Variants in SH3GL2 observed in about 807,000 individuals in gnomAD.
SH3GL2 encodes endophilin-A1.
A neutral mutation model predicts 46.0 loss-of-function variants in SH3GL2; 24 were observed. The ratio of observed to expected loss-of-function variants is 0.52; its 90% CI spans 0.38 to 0.73. The LOEUF (loss-of-function observed/expected upper bound fraction) is 0.73. Ranked by LOEUF, SH3GL2 falls within the 30% of genes least tolerant of loss-of-function variation. SH3GL2 has a pLI of 0.00. For synonymous variants in SH3GL2, 196 were observed against 147.1 expected (o/e 1.33, Z -2.40); for missense variants, 413 against 424.2 (o/e 0.97, Z 0.23).
chr9:17,786,337 G>A (rs781750146), intron 3 of SH3GL2, 44 bp from the exon 4 acceptor site: 2 of 1,577,550 alleles, frequency 1.3e-6, no homozygotes, highest in Non-Finnish European at 1.7e-6. Flanking sequence ...TTTCCGCAGT[G>A]TCACATTGCC....
chr9:17,660,046 T>A (rs1034127815), intron 1 of SH3GL2, among the ~76,000 whole-genome samples: 3 of 152,226 alleles, frequency 2.0e-5, no homozygotes, highest in Non-Finnish European at 4.4e-5. Flanking sequence ...CCTATTGGGC[T>A]ATGTGGACAA....
chr9:17,635,340 T>C (rs2134632260), intron 1 of SH3GL2, among the ~76,000 whole-genome samples: 1 of 152,346 alleles, frequency 6.6e-6, no homozygotes, highest in Non-Finnish European at 1.5e-5. Context: ...CTGCATAGTA[T>C]TCCATGTTGT....
intron 1 of SH3GL2, among the ~76,000 whole-genome samples, chr9:17,584,533 A>G (rs1480054111): frequency 6.6e-6 from 1 of 152,190 alleles, no homozygotes; most frequent in Non-Finnish European, 1.5e-5. Flanking sequence ...TCATCATGTC[A>G]TCAGGAGAAA....
chr9:17,733,202 G>A (rs1271948528), intron 1 of SH3GL2, among the ~76,000 whole-genome samples: 3 of 152,066 alleles, frequency 2.0e-5, no homozygotes, highest in Admixed American at 2.0e-4. Flanking sequence ...GCAAAACGAA[G>A]TTAGACTGCA....
At chr9:17,755,829 G>C in intron 2 of SH3GL2, 2 of 956,698 alleles carry the variant, frequency 2.1e-6, no homozygotes, top group Non-Finnish European at 2.5e-6. Flanking sequence ...CTTCAGGGAA[G>C]AAAGGTAATA....
intron 1 of SH3GL2, among the ~76,000 whole-genome samples, chr9:17,675,079 C>A (rs1481134458): frequency 6.6e-6 from 1 of 152,174 alleles, no homozygotes; most frequent in African/African-American, 2.4e-5. Context: ...GAATTGACGT[C>A]TCTACTTTTT....
intron 2 of SH3GL2, among the ~76,000 whole-genome samples, chr9:17,758,686 G>A (rs894583837): frequency 1.4e-5 from 2 of 148,038 alleles, no homozygotes; most frequent in East Asian, 4.3e-4. Context: ...AAATGTAACT[G>A]TATTGAATAA....
At chr9:17,706,745 G>A (rs921236931) in intron 1 of SH3GL2, among the ~76,000 whole-genome samples, 1 of 151,846 alleles carries the variant, frequency 6.6e-6, no homozygotes, top group Non-Finnish European at 1.5e-5. Context: ...TAGAGTTTTG[G>A]ATCTTCCTTG....
chr9:17,745,689 T>C (rs1256695068), intron 1 of SH3GL2, among the ~76,000 whole-genome samples: 7 of 151,804 alleles, frequency 4.6e-5, no homozygotes, highest in Admixed American at 1.3e-4. Context: ...ACAGCTCAGG[T>C]CCCCCAACAA....
At chr9:17,607,058 G>A (rs1235637850) in intron 1 of SH3GL2, among the ~76,000 whole-genome samples, 1 of 152,146 alleles carries the variant, frequency 6.6e-6, no homozygotes, top group African/African-American at 2.4e-5. Flanking sequence ...TGTGTGTCTG[G>A]GGAAAGGACT....
chr9:17,595,946 A>C (rs188253221), intron 1 of SH3GL2, among the ~76,000 whole-genome samples: 325 of 152,204 alleles, frequency 2.1e-3, no homozygotes, highest in African/African-American at 6.8e-3. Flanking sequence ...TTTATGGGTG[A>C]GTAGTGTTTC....
chr9:17,702,444 C>CA (rs11440447), intron 1 of SH3GL2, among the ~76,000 whole-genome samples: 26,724 of 148,772 alleles, frequency 0.18, 2,728 homozygotes, highest in Admixed American at 0.33. Flanking sequence ...TGTTGCACAG[C>CA]AAAAAAAAAC....
chr9:17,718,779 C>T (rs1002120409), intron 1 of SH3GL2, among the ~76,000 whole-genome samples: 8 of 152,220 alleles, frequency 5.3e-5, no homozygotes, highest in African/African-American at 1.9e-4. Flanking sequence ...TCTTATTTAG[C>T]AGTTCAAGAA....
chr9:17,707,225 A>G (rs181133342), intron 1 of SH3GL2, among the ~76,000 whole-genome samples: 1 of 152,188 alleles, frequency 6.6e-6, no homozygotes, highest in East Asian at 1.9e-4. Context: ...TCATTAGAGA[A>G]TTAAATGACA....
chr9:17,693,539 G>T (rs114279358), intron 1 of SH3GL2, among the ~76,000 whole-genome samples: 2,206 of 152,050 alleles, frequency 0.015, 52 homozygotes, highest in African/African-American at 0.051. Flanking sequence ...AATGCGAATG[G>T]TGTAAAGCTT....
intron 1 of SH3GL2, among the ~76,000 whole-genome samples, chr9:17,622,473 T>C (rs1819166885): frequency 6.6e-6 from 1 of 152,102 alleles, no homozygotes; most frequent in Admixed American, 6.6e-5. Flanking sequence ...TAGAATTGGG[T>C]GTCCAGGCCA....
Position 17,606,741 on chromosome 9 carries a change from A to T in SH3GL2, c.45+27454A>T, listed in dbSNP as rs188782959. 1.3e-5 allele frequency among the ~76,000 whole-genome samples: 2 copies of T among 152,316 alleles called. 1 individual carries two copies. Among genetic ancestry groups the T allele is most frequent in the Admixed American group, 1.3e-4 (2 of 15,302 alleles). On this transcript the variant is annotated intron_variant, in intron 1 of 8. Coordinates refer to ENST00000380607, the MANE Select transcript of SH3GL2 (RefSeq NM_003026.5). ...TTTCTCTTTGCTAAATTAGGGGAGT[A>T]AAGGTGAAACTTAATGTTAGTTGTT...
chr9:17,599,505 A>C (rs1266858284), intron 1 of SH3GL2, among the ~76,000 whole-genome samples: 1 of 152,208 alleles, frequency 6.6e-6, no homozygotes, highest in Non-Finnish European at 1.5e-5. Context: ...TGATTAAGGT[A>C]CTTCTTGAAA....
At chr9:17,637,950 A>T (rs1647665771) in intron 1 of SH3GL2, among the ~76,000 whole-genome samples, 1 of 152,068 alleles carries the variant, frequency 6.6e-6, no homozygotes, top group Non-Finnish European at 1.5e-5. Flanking sequence ...AGGTCAGGAG[A>T]TCGAGACCAT....
Sources: gnomAD v4.1 joint callset for allele counts (sites outside exome capture counted in the v4.1 genomes callset) on GRCh38, gnomAD v4.1.1 for gene constraint, MANE v1.5 for transcripts, NCBI Gene and HGNC (gene_info 2026-07-23, HGNC 2026-07-21) for gene names.